HCN1: variants seen among roughly 807,000 people sequenced by gnomAD.
HCN1 encodes hyperpolarization activated cyclic nucleotide gated potassium channel 1, also known as potassium/sodium hyperpolarization-activated cyclic nucleotide-gated channel 1.
In HCN1, 13 loss-of-function variants were observed where a neutral mutation model predicts 78.9. The ratio of observed to expected loss-of-function variants is 0.16; its 90% CI spans 0.11 to 0.26. The LOEUF is 0.26. Ranked by LOEUF, HCN1 falls within the 10% of genes least tolerant of loss-of-function variation. The pLI is 1.00. For missense variants in HCN1, 810 were observed against 1,154.3 expected, an observed-to-expected ratio of 0.70 and a Z score of 4.32; for synonymous variants, 552 against 455.5, an observed-to-expected ratio of 1.21 and a Z score of -2.70.
At chr5:45,571,336 G>C (rs1302258107) in intron 2 of HCN1, among the ~76,000 whole-genome samples, 2 of 152,122 alleles carry the variant, frequency 1.3e-5, no homozygotes, top group African/African-American at 2.4e-5. Context: ...TTTTCTTGGA[G>C]ATGTTTTCTG....
At chr5:45,363,284 C>T (rs570692678) in intron 4 of HCN1, among the ~76,000 whole-genome samples, 5 of 151,446 alleles carry the variant, frequency 3.3e-5, no homozygotes, top group African/African-American at 1.2e-4. Flanking sequence ...AAGTCCATCT[C>T]AGGGTTTTTG....
intron 3 of HCN1, among the ~76,000 whole-genome samples, chr5:45,422,384 T>C (rs79838341): frequency 0.027 from 4,119 of 152,256 alleles, 96 homozygotes; most frequent in African/African-American, 0.063. Context: ...GTTGTAGAGG[T>C]GTCAGCTACG....
chr5:45,563,265 C>A (rs1179370453), intron 2 of HCN1, among the ~76,000 whole-genome samples: 1 of 151,964 alleles, frequency 6.6e-6, no homozygotes, highest in African/African-American at 2.4e-5. Flanking sequence ...GCCTGGCCAA[C>A]ATGGTGAAAA....
chr5:45,396,378 T>G, intron 4 of HCN1, 114 bp downstream of exon 4: 2 of 855,998 alleles, frequency 2.3e-6, no homozygotes, highest in Non-Finnish European at 3.8e-6. Flanking sequence ...ACTTTAAACA[T>G]TTTATCTCTT....
At chr5:45,661,440 G>A (rs1745934481) in intron 1 of HCN1, among the ~76,000 whole-genome samples, 1 of 148,472 alleles carries the variant, frequency 6.7e-6, no homozygotes, top group African/African-American at 2.5e-5. Context: ...CAGAAGGCAA[G>A]AAATAACTAA....
At chr5:45,295,514 A>G (rs887391161) in intron 6 of HCN1, among the ~76,000 whole-genome samples, 1 of 152,016 alleles carries the variant, frequency 6.6e-6, no homozygotes, top group African/African-American at 2.4e-5. Context: ...CACATGCCTC[A>G]CCAAAAAGTA....
chr5:45,427,122 A>G lies in HCN1; in HGVS notation c.1012-30412T>C, dbSNP rs532631867. 1.7e-3 allele frequency among the ~76,000 whole-genome samples: 266 copies of G among 152,212 alleles called. 2 individuals are homozygous for G. The highest frequency in any genetic ancestry group is 3.4e-3 in the Non-Finnish European group (228 of 67,972). On this transcript the variant is annotated intron_variant, in intron 3 of 7. Transcript: ENST00000303230. ...TTCTTTTTGCATACCAGCATTTTCTATGAGTTGACTCCTACACAGCATGTT... is the reference window on the plus strand; with the variant it reads ...TTCTTTTTGCATACCAGCATTTTCTGTGAGTTGACTCCTACACAGCATGTT...
chr5:45,562,880 G>A (rs1052120155), intron 2 of HCN1, among the ~76,000 whole-genome samples: 2 of 152,044 alleles, frequency 1.3e-5, no homozygotes, highest in African/African-American at 4.8e-5. Flanking sequence ...ATAATAAAAG[G>A]CAACATTAAT....
intron 6 of HCN1, among the ~76,000 whole-genome samples, chr5:45,285,930 C>T (rs1447644998): frequency 6.6e-6 from 1 of 151,866 alleles, no homozygotes; most frequent in Admixed American, 6.6e-5. Context: ...GCCATCAGTT[C>T]CTCATCTTCT....
At chr5:45,379,557 T>C (rs965725471) in intron 4 of HCN1, among the ~76,000 whole-genome samples, 1 of 152,086 alleles carries the variant, frequency 6.6e-6, no homozygotes, top group Non-Finnish European at 1.5e-5. Flanking sequence ...GTATAATTCA[T>C]CCAAAGACAC....
rs564170832 is a variant in HCN1, at chr5:45,326,991, T to G, written c.1378-23152A>C. 1.8e-4 allele frequency among the ~76,000 whole-genome samples: 28 copies of G among 151,750 alleles called. 1 individual carries two copies. The highest frequency in any genetic ancestry group is 1.2e-4 in the Non-Finnish European group (8 of 67,772). On this transcript the variant is annotated intron_variant, in intron 5 of 7. Coordinates refer to ENST00000303230, the MANE Select transcript of HCN1 (RefSeq NM_021072.4). ...GGAAAAATATAGAAGCAGACAAAAA[T>G]TAAAATTAAAAATACTAAAATTAAG...
chr5:45,374,647 G>T (rs909389752), intron 4 of HCN1, among the ~76,000 whole-genome samples: 1 of 150,412 alleles, frequency 6.6e-6, no homozygotes, highest in African/African-American at 2.4e-5. Flanking sequence ...CTCATTCTAT[G>T]AGGCCAGCAT....
At chr5:45,551,224 A>G (rs1743361532) in intron 2 of HCN1, among the ~76,000 whole-genome samples, 1 of 151,968 alleles carries the variant, frequency 6.6e-6, no homozygotes, top group African/African-American at 2.4e-5. Flanking sequence ...CTGGCTAGGT[A>G]TTACAATGAA....
intron 2 of HCN1, among the ~76,000 whole-genome samples, chr5:45,466,979 ATCT>A (rs1037858023): frequency 6.6e-6 from 1 of 152,108 alleles, no homozygotes; most frequent in Admixed American, 6.6e-5. Context: ...CAAAACTATC[ATCT>A]TCTGTCCATA....
At chr5:45,475,702 C>G (rs1323991323) in intron 2 of HCN1, among the ~76,000 whole-genome samples, 1 of 152,018 alleles carries the variant, frequency 6.6e-6, no homozygotes, top group Non-Finnish European at 1.5e-5. Flanking sequence ...TTGATTCTGG[C>G]CTCCACATTA....
Position 45,396,559 on chromosome 5 carries a change from A to G in HCN1, c.1163T>C (p.Met388Thr). Residue 388 changes from methionine (M) to threonine (T), a missense_variant, in exon 4 of 8, where the codon ATG (methionine) becomes ACG (threonine). Around this residue, in one of 6 missense-constraint regions of HCN1, gnomAD observed 104 missense variants for 402.8 expected, o/e 0.26. Coordinates refer to ENST00000303230, the MANE Select transcript of HCN1 (RefSeq NM_021072.4). ...SMIVGATCYA[M>T]FVGHATALIQ... ...TAAAGCGGTGGCATGGCCGACAAAC[A>G]TGGCATAGCAGGTGGCCCCGACGAT... 6.2e-7 allele frequency: 1 copy of G among 1,613,852 alleles called. No homozygotes were observed. Among genetic ancestry groups the G allele is most frequent in the Non-Finnish European group, 8.5e-7 (1 of 1,179,890 alleles).
At chr5:45,677,035 T>A (rs1174912293) in intron 1 of HCN1, among the ~76,000 whole-genome samples, 1 of 151,854 alleles carries the variant, frequency 6.6e-6, no homozygotes, top group Non-Finnish European at 1.5e-5. Flanking sequence ...AAGTATTCAG[T>A]TCTGTCTTCA....
intron 2 of HCN1, among the ~76,000 whole-genome samples, chr5:45,501,457 G>A (rs1056729849): frequency 1.2e-4 from 18 of 151,384 alleles, no homozygotes; most frequent in African/African-American, 3.6e-4. Context: ...TTTTTGAGAC[G>A]GAGTCTTGCT....
At chr5:45,599,172 A>G (rs1438518849) in intron 2 of HCN1, among the ~76,000 whole-genome samples, 2 of 152,198 alleles carry the variant, frequency 1.3e-5, no homozygotes, top group East Asian at 3.9e-4. Context: ...ATAGCCATCA[A>G]TGCTAGACTG....
Sources: gnomAD v4.1 joint callset for allele counts (sites outside exome capture counted in the v4.1 genomes callset) on GRCh38, gnomAD v4.1.1 for gene constraint, gnomAD v4.1.1 regional missense constraint, MANE v1.5 for transcripts, NCBI Gene and HGNC (gene_info 2026-07-23, HGNC 2026-07-21) for gene names.